Variants in GPATCH2L observed in about 807,000 individuals in gnomAD.
The protein encoded by GPATCH2L is G-patch domain containing 2 like.
Under a neutral mutation model 57.4 loss-of-function variants are expected in GPATCH2L, and 31 were observed. That is an observed-to-expected ratio of 0.54 (90% confidence interval 0.41 to 0.73). The LOEUF is 0.73. GPATCH2L is among the 30% of genes least tolerant of loss of function. GPATCH2L has a pLI of 0.00. For missense variants in GPATCH2L, 481 were observed against 599.9 expected (o/e 0.80, Z 2.07); for synonymous variants, 199 against 210.7 (o/e 0.94, Z 0.48).
Position 76,173,570 on chromosome 14 carries a change from T to A in GPATCH2L, c.929T>A (p.Leu310Gln). ...GGGTACCATACTCGCTTGAATCGTCTACCTGGAGCTGCAGCTCGATGCCTC... is the reference window on the plus strand; with the variant it reads ...GGGTACCATACTCGCTTGAATCGTCAACCTGGAGCTGCAGCTCGATGCCTC... ...QRGYHTRLNR[L>Q]PGAAARCLRK... The change falls in exon 5 of 10, where the codon CTA becomes CAA. Residue 310 changes from leucine to glutamine, a missense_variant. Around this residue, in one of 3 missense-constraint regions of GPATCH2L, gnomAD observed 248 missense variants for 270.5 expected, o/e 0.92. Coordinates refer to ENST00000261530, the MANE Select transcript of GPATCH2L (RefSeq NM_017926.4). 6.2e-7 allele frequency: 1 copy of A among 1,612,962 alleles called. No individual in the cohort carries two copies. Among genetic ancestry groups the A allele is most frequent in the Non-Finnish European group, 8.5e-7 (1 of 1,179,208 alleles).
intron 2 of GPATCH2L, among the ~76,000 whole-genome samples, chr14:76,164,641 T>C (rs150489906): frequency 6.6e-6 from 1 of 152,270 alleles, no homozygotes; most frequent in Non-Finnish European, 1.5e-5. Context: ...AATAAAAAAC[T>C]ATTGATCTAT....
chr14:76,177,939 C>A, intron 6 of GPATCH2L, 49 bp from the exon 7 acceptor site: 1 of 1,600,332 alleles, frequency 6.2e-7, no homozygotes, highest in Non-Finnish European at 8.6e-7. Context: ...CAGGTAAGAT[C>A]ATTTTTCTTT....
At chr14:76,232,585 T>C (rs1486687871) in intron 2 of GPATCH2L, among the ~76,000 whole-genome samples, 1 of 152,240 alleles carries the variant, frequency 6.6e-6, no homozygotes, top group African/African-American at 2.4e-5. Flanking sequence ...TGGGGTTTGA[T>C]AATTCACTAG....
In GPATCH2L at chr14:76,176,607, T is replaced by C. The variant is rs1353127301; in HGVS notation, c.985-16T>C. The C allele has an allele frequency of 1.3e-6, 2 of 1,572,896 alleles. No individual in the cohort carries two copies. Among genetic ancestry groups the C allele is most frequent in the Non-Finnish European group, 1.8e-6 (2 of 1,142,424 alleles). On this transcript the variant is annotated splice_polypyrimidine_tract_variant and intron_variant, in intron 5 of 9. Transcript: ENST00000261530. ...TCTGTGGTTGGATGATACTCTTGTC[T>C]GCCTTTTCTTTTTAGGAGACCAGCA...
intron 4 of GPATCH2L, 113 bp downstream of exon 4, chr14:76,172,132 T>G (rs986264400): frequency 1.7e-6 from 1 of 599,060 alleles, no homozygotes; most frequent in Non-Finnish European, 2.7e-6. Flanking sequence ...TATCTGAATT[T>G]TGGAGCTAGC....
chr14:76,152,389 T>G (rs2038088853), intron 1 of GPATCH2L: 1 of 258,918 alleles, frequency 3.9e-6, no homozygotes, highest in African/African-American at 2.2e-5. Flanking sequence ...TCGCCAAGAC[T>G]TGCATTTTGG....
At chr14:76,181,149 A>G (rs892692832) in intron 8 of GPATCH2L, among the ~76,000 whole-genome samples, 1 of 152,188 alleles carries the variant, frequency 6.6e-6, no homozygotes, top group African/African-American at 2.4e-5. Flanking sequence ...GTTCCTTGCC[A>G]TGAGCCTGCA....
At chr14:76,190,078 A>G (rs1044241942) in intron 8 of GPATCH2L, among the ~76,000 whole-genome samples, 3 of 151,276 alleles carry the variant, frequency 2.0e-5, no homozygotes, top group African/African-American at 7.3e-5. Context: ...TTTTGCCAAC[A>G]TTGGTTCTAT....
intron 8 of GPATCH2L, among the ~76,000 whole-genome samples, chr14:76,181,226 G>T (rs1393242245): frequency 6.6e-6 from 1 of 152,196 alleles, no homozygotes; most frequent in African/African-American, 2.4e-5. Flanking sequence ...CTCCCTCTGT[G>T]GGAGAGAGAT....
chr14:76,154,824 A>G lies in GPATCH2L; in HGVS notation c.461A>G (p.Tyr154Cys). The change falls in exon 2 of 10, where the codon TAT becomes TGT. Residue 154 changes from tyrosine to cysteine, a missense_variant. By Grantham distance (194) the Tyr-to-Cys change is radical. This residue lies in a region of GPATCH2L where 208 missense variants were observed against 272.4 expected (regional missense o/e 0.76). Transcript: ENST00000261530. The surrounding 1 kb of genome is among the most constrained non-coding windows in gnomAD (Gnocchi z 4.4). ...QQKLKVSDWS[Y>C]ERGCRFKSAK... Reference sequence around the variant, plus strand: ...AAGCTGAAGGTGTCAGATTGGAGCTATGAGAGAGGCTGCAGGTTCAAGTCT... The same window carrying G: ...AAGCTGAAGGTGTCAGATTGGAGCTGTGAGAGAGGCTGCAGGTTCAAGTCT... The G allele has an allele frequency of 1.2e-6, 2 of 1,614,246 alleles. No individual in the cohort carries two copies. Among genetic ancestry groups the G allele is most frequent in the South Asian group, 1.1e-5 (1 of 91,092 alleles).
At position 76,176,671 on chromosome 14, in the gene GPATCH2L, A is replaced by G. The variant is rs1466263863; in HGVS notation, c.1033A>G (p.Ser345Gly). ...GACTGAGAGGATAAGCCATATCATT[A>G]GTGACCCTCGGCAGAAAGAGTAAGT... ...LGTERISHII[S>G]DPRQKEKNKA... The change falls in exon 6 of 10, where the codon AGT becomes GGT. Residue 345 changes from serine to glycine, a missense_variant. Ser to Gly is a moderately conservative substitution (Grantham distance 56). Coordinates refer to ENST00000261530, the MANE Select transcript of GPATCH2L (RefSeq NM_017926.4). The G allele has an allele frequency of 2.5e-6, 4 of 1,609,654 alleles. No individual in the cohort carries two copies. The highest frequency in any genetic ancestry group is 1.7e-4 in the Middle Eastern group (1 of 6,056).
chr14:76,162,900 A>G (rs1409405554), intron 2 of GPATCH2L, among the ~76,000 whole-genome samples: 1 of 152,124 alleles, frequency 6.6e-6, no homozygotes, highest in African/African-American at 2.4e-5. Flanking sequence ...CTGATAAGGG[A>G]TAGTAGTCAA....
At chr14:76,156,023 C>T (rs1317140636) in intron 2 of GPATCH2L, among the ~76,000 whole-genome samples, 4 of 152,150 alleles carry the variant, frequency 2.6e-5, no homozygotes, top group African/African-American at 9.7e-5. Context: ...GTACTATGGA[C>T]TTAGCATATA....
At chr14:76,190,072 G>A (rs17104230) in intron 8 of GPATCH2L, among the ~76,000 whole-genome samples, 2,931 of 151,726 alleles carry the variant, frequency 0.019, 61 homozygotes, top group South Asian at 0.076. Context: ...GTTATTTTTT[G>A]CCAACATTGG....
At chr14:76,229,266 G>T (rs986252236) in intron 1 of GPATCH2L, among the ~76,000 whole-genome samples, 21 of 152,204 alleles carry the variant, frequency 1.4e-4, no homozygotes, top group African/African-American at 3.9e-4. Context: ...GCTACATGCT[G>T]CTCTTGCTGT....
intron 8 of GPATCH2L, among the ~76,000 whole-genome samples, chr14:76,190,850 T>C (rs575918549): frequency 2.0e-5 from 3 of 152,286 alleles, no homozygotes; most frequent in African/African-American, 7.2e-5. Context: ...TAGGGACATG[T>C]GTATTTAGTA....
chr14:76,185,896 G>A (rs1409200190), intron 8 of GPATCH2L, among the ~76,000 whole-genome samples: 1 of 152,182 alleles, frequency 6.6e-6, no homozygotes, highest in Non-Finnish European at 1.5e-5. Context: ...GAGATTAAGA[G>A]TGTAGATATT....
chr14:76,204,292 ACT>A lies in GPATCH2L; in HGVS notation c.*2442_*2443del, dbSNP rs1172768765. On this transcript the variant is annotated 3_prime_UTR_variant, in exon 10 of 10. Transcript: ENST00000261530. ...GCATGCTTTTCTACACATTTTGAATACTTTCAACAGGGATTACCCAAGAATGC... is the reference window on the plus strand; with the variant it reads ...GCATGCTTTTCTACACATTTTGAATATTCAACAGGGATTACCCAAGAATGC... 1.3e-5 allele frequency: 2 copies of A among 152,258 alleles called. No homozygotes were observed. Among genetic ancestry groups the A allele is most frequent in the African/African-American group, 4.8e-5 (2 of 41,466 alleles). The allele number at this position is 152,258 out of a possible 1,614,324, so 9.4% of individuals were successfully genotyped here.
chr14:76,235,042 C>G (rs1308275650), intron 2 of GPATCH2L: 1 of 152,158 alleles, frequency 6.6e-6, no homozygotes, highest in East Asian at 1.9e-4. Flanking sequence ...GTGGTGCATG[C>G]CTGTAATCCC....
Sources: gnomAD v4.1 joint callset for allele counts (sites outside exome capture counted in the v4.1 genomes callset) on GRCh38, gnomAD v4.1.1 for gene constraint, gnomAD v4.1.1 regional missense constraint, Gnocchi (gnomAD v3.1) non-coding constraint, MANE v1.5 for transcripts, NCBI Gene and HGNC (gene_info 2026-07-23, HGNC 2026-07-21) for gene names.